Variants in SLC12A8 observed in about 807,000 individuals in gnomAD.
The protein encoded by SLC12A8 is solute carrier family 12 member 8.
SLC12A8 carries 69 observed loss-of-function variants against 75.6 expected under a neutral mutation model. The observed-to-expected ratio is 0.91, with a 90% CI of 0.75 to 1.11. The LOEUF (loss-of-function observed/expected upper bound fraction) is 1.11. SLC12A8 is among the 50% of genes most tolerant of loss of function. The pLI is 0.00. For synonymous variants in SLC12A8, 365 were observed against 372.8 expected (o/e 0.98, Z 0.24); for missense variants, 877 against 896.7 (o/e 0.98, Z 0.28).
chr3:125,208,465 T>TATA (rs1356601147), intron 2 of SLC12A8, among the ~76,000 whole-genome samples: 4 of 152,192 alleles, frequency 2.6e-5, no homozygotes, highest in Non-Finnish European at 5.9e-5. Context: ...TAGCCATTTA[T>TATA]ATAATATAAG....
At chr3:125,092,830 C>T (rs1328711385) in intron 10 of SLC12A8, among the ~76,000 whole-genome samples, 1 of 152,214 alleles carries the variant, frequency 6.6e-6, no homozygotes, top group Non-Finnish European at 1.5e-5. Flanking sequence ...TTCTATTCAG[C>T]TCTGCATTCT....
intron 10 of SLC12A8, among the ~76,000 whole-genome samples, chr3:125,096,309 C>G (rs963950178): frequency 1.3e-5 from 2 of 152,216 alleles, no homozygotes; most frequent in Non-Finnish European, 2.9e-5. Context: ...CTCTCTTTAT[C>G]CCATTACTCT....
intron 6 of SLC12A8, chr3:125,125,910 C>T (rs923228583): frequency 1.2e-5 from 12 of 983,476 alleles, no homozygotes; most frequent in African/African-American, 3.5e-5. Flanking sequence ...TTATAATCGG[C>T]GCGATGCATT....
intron 8 of SLC12A8, among the ~76,000 whole-genome samples, chr3:125,116,442 A>G (rs527737200): frequency 5.3e-5 from 8 of 152,338 alleles, no homozygotes; most frequent in Non-Finnish European, 1.0e-4. Context: ...CCAGCTGGCT[A>G]AGTGCTTGCC....
chr3:125,177,932 T>C lies in SLC12A8; in HGVS notation c.433A>G (p.Ile145Val), dbSNP rs1159306525. The part of the protein sequence containing the change: ...AMYITGFAES[I>V]SDLLGLGNIW... ...TTCCCGAGGCCCAGCAAATCCGAGA[T>C]GGATTCAGCAAAGCCGGTGATATAC... The change falls in exon 5 of 14, where the codon ATC becomes GTC. Residue 145 changes from isoleucine (I) to valine (V), a missense_variant. Ile to Val is a conservative substitution (Grantham distance 29, BLOSUM62 3). Transcript: ENST00000469902. The C allele has an allele frequency of 3.7e-6, 6 of 1,613,842 alleles. No homozygotes were observed. The highest frequency in any genetic ancestry group is 5.1e-6 in the Non-Finnish European group (6 of 1,179,934).
At chr3:125,147,295 C>T (rs1013461256) in intron 5 of SLC12A8, among the ~76,000 whole-genome samples, 1 of 152,204 alleles carries the variant, frequency 6.6e-6, no homozygotes, top group African/African-American at 2.4e-5. Flanking sequence ...TTAACCCGGG[C>T]TGCCCTGGGC....
At chr3:125,100,363 T>C (rs577375815) in intron 10 of SLC12A8, among the ~76,000 whole-genome samples, 1 of 152,260 alleles carries the variant, frequency 6.6e-6, no homozygotes, top group African/African-American at 2.4e-5. Context: ...CTGCTATTTT[T>C]ATTTAAATTT....
chr3:125,193,754 C>G (rs138521698), intron 2 of SLC12A8, among the ~76,000 whole-genome samples: 3 of 152,304 alleles, frequency 2.0e-5, no homozygotes, highest in South Asian at 2.1e-4. Context: ...AATAGGCCCT[C>G]CCACAAAGTC....
At position 125,177,979 on chromosome 3, in the gene SLC12A8, C is replaced by T. The variant is rs1229110378; in HGVS notation, c.391-5G>A. On this transcript the variant is annotated splice_region_variant and splice_polypyrimidine_tract_variant and intron_variant, in intron 4 of 13. Transcript: ENST00000469902. ...ATACATGGCACCTGCAACACACTGACATGCGATTCCAGGTAGAAGAGTCAG... is the reference window on the plus strand; with the variant it reads ...ATACATGGCACCTGCAACACACTGATATGCGATTCCAGGTAGAAGAGTCAG... 1 of 1,608,644 alleles carries T rather than the reference C, an allele frequency of 6.2e-7. No individual in the cohort carries two copies. The highest frequency in any genetic ancestry group is 8.5e-7 in the Non-Finnish European group (1 of 1,176,800).
In SLC12A8 at chr3:125,208,824, A is replaced by AGAGAGAGAGAGAGC. The variant is rs144988140; in HGVS notation, c.51+2474_51+2475insGCTCTCTCTCTCTC. On this transcript the variant is annotated intron_variant, in intron 2 of 13. Coordinates refer to ENST00000469902, the MANE Select transcript of SLC12A8 (RefSeq NM_024628.6). ...GAGAGAGAGAGAGAGAGAGAGAGAGAGCTACCCTATCTGGTCCTAAAATGA... is the reference window on the plus strand; with the variant it reads ...GAGAGAGAGAGAGAGAGAGAGAGAGAGAGAGAGAGAGAGCGCTACCCTATCTGGTCCTAAAATGA... 7.6e-3 allele frequency among the ~76,000 whole-genome samples: 963 copies of AGAGAGAGAGAGAGC among 127,318 alleles called. 17 individuals are homozygous for AGAGAGAGAGAGAGC. The highest frequency in any genetic ancestry group is 0.018 in the Middle Eastern group (4 of 220). 83.5% of individuals were successfully genotyped at this position (127,318 alleles called of 152,430 possible). A position where few individuals can be genotyped will look rare whatever the true frequency, so the allele number is the denominator to read the frequency against.
At chr3:125,200,625 G>A (rs1299177714) in intron 2 of SLC12A8, among the ~76,000 whole-genome samples, 2 of 152,074 alleles carry the variant, frequency 1.3e-5, no homozygotes, top group Non-Finnish European at 2.9e-5. Context: ...AGATTCCTGT[G>A]ATTTCAATCA....
chr3:125,115,539 A>AC (rs1319024565), intron 8 of SLC12A8, among the ~76,000 whole-genome samples: 10 of 151,868 alleles, frequency 6.6e-5, no homozygotes, highest in African/African-American at 1.9e-4. Flanking sequence ...AAACAAACAA[A>AC]AAAAAAAAGT....
At chr3:125,106,298 GGCAA>G (rs749584906) in intron 10 of SLC12A8, among the ~76,000 whole-genome samples, 13 of 152,024 alleles carry the variant, frequency 8.6e-5, no homozygotes, top group Non-Finnish European at 1.3e-4. Flanking sequence ...GAAATTTAGA[GGCAA>G]AGAAGGAAAA....
intron 5 of SLC12A8, chr3:125,151,625 G>C (rs1222521201): frequency 6.6e-6 from 1 of 152,354 alleles, no homozygotes; most frequent in Non-Finnish European, 1.5e-5. Flanking sequence ...TAGCAGAGTG[G>C]TGGCGACAGG....
intron 6 of SLC12A8, among the ~76,000 whole-genome samples, chr3:125,128,463 A>G (rs1300636371): frequency 1.4e-5 from 2 of 138,980 alleles, no homozygotes; most frequent in African/African-American, 5.5e-5. Flanking sequence ...TACAGGCGTG[A>G]GCCACCGCGC....
intron 10 of SLC12A8, among the ~76,000 whole-genome samples, chr3:125,097,448 G>C (rs1938744651): frequency 6.6e-6 from 1 of 151,396 alleles, no homozygotes; most frequent in Admixed American, 6.6e-5. Flanking sequence ...GCATCTCTTT[G>C]AGATCTGTCA....
intron 5 of SLC12A8, among the ~76,000 whole-genome samples, chr3:125,136,419 G>A (rs1428797277): frequency 6.6e-6 from 1 of 152,056 alleles, no homozygotes; most frequent in Non-Finnish European, 1.5e-5. Flanking sequence ...GTGCTCCTTT[G>A]GGCTTTATAA....
chr3:125,101,789 G>A (rs190843832), intron 10 of SLC12A8, among the ~76,000 whole-genome samples: 3 of 152,152 alleles, frequency 2.0e-5, no homozygotes, highest in Non-Finnish European at 2.9e-5. Context: ...GTTTGTCAAC[G>A]ATTAGGTTCT....
At chr3:125,188,337 T>C (rs1207040841) in intron 3 of SLC12A8, among the ~76,000 whole-genome samples, 2 of 152,212 alleles carry the variant, frequency 1.3e-5, no homozygotes, top group Non-Finnish European at 2.9e-5. Context: ...CCTGCAGAAC[T>C]GTGAGCTAAA....
Sources: allele counts gnomAD v4.1 joint callset (sites outside exome capture counted in the v4.1 genomes callset), GRCh38; gene constraint gnomAD v4.1.1; transcripts MANE v1.5; gene names NCBI Gene and HGNC (gene_info 2026-07-23, HGNC 2026-07-21).